The following PRH1 variants were observed in gnomAD, a reference collection of about 807,000 sequenced individuals.
PRH1 encodes proline rich protein HaeIII subfamily 1.
Under a neutral mutation model 7.9 loss-of-function variants are expected in PRH1, and 7 were observed. The ratio of observed to expected loss-of-function variants is 0.89; its 90% CI spans 0.50 to 1.67. PRH1 has a LOEUF of 1.67. Ranked by LOEUF, PRH1 falls within the 40% of genes most tolerant of loss-of-function variation. PRH1 has a pLI of 0.00. For synonymous variants in PRH1, 45 were observed against 80.8 expected (o/e 0.56, Z 2.38); for missense variants, 109 against 223.6 (o/e 0.49, Z 3.27).
chr12:11,119,254 G>A (rs1945821636), downstream of PRH1, among the ~76,000 whole-genome samples: 1 of 151,948 alleles, frequency 6.6e-6, no homozygotes, highest in Non-Finnish European at 1.5e-5. Flanking sequence ...TACATAGATG[G>A]TTAACAAAGG....
rs375358375 is a variant in PRH1, at chr12:11,015,040, C to T, written c.-126+31980G>A. 1.1e-4 allele frequency among the ~76,000 whole-genome samples: 17 copies of T among 152,142 alleles called. No individual in the cohort carries two copies. The East Asian group carries it at 1.7e-3, about 16-fold the overall frequency. ...GCTAGTCAGCAGCTCAGGAATAGGG[C>T]GAGTAGGCTGAGGCATACGTGTTAA... On this transcript the variant is annotated intron_variant, in intron 1 of 3. Transcript: ENST00000539853.
downstream of PRH1, among the ~76,000 whole-genome samples, chr12:11,116,598 A>G (rs973392080): frequency 6.6e-6 from 1 of 152,070 alleles, no homozygotes; most frequent in Non-Finnish European, 1.5e-5. Flanking sequence ...CCCTGATACC[A>G]AAACCAGACA....
intron 2 of PRH1, among the ~76,000 whole-genome samples, chr12:10,934,331 A>G (rs940152658): frequency 3.9e-5 from 6 of 152,156 alleles, no homozygotes; most frequent in African/African-American, 1.4e-4. Flanking sequence ...TCTCACCATT[A>G]TTACCGAAAT....
At chr12:11,134,856 T>C (rs1379766357) in intron 1 of PRH1, among the ~76,000 whole-genome samples, 4 of 152,166 alleles carry the variant, frequency 2.6e-5, no homozygotes, top group African/African-American at 7.2e-5. Flanking sequence ...TAAGATCTGG[T>C]TGCTGCTAAT....
upstream of PRH1, among the ~76,000 whole-genome samples, chr12:11,049,712 G>C (rs1253122356): frequency 6.6e-6 from 1 of 152,142 alleles, no homozygotes; most frequent in Non-Finnish European, 1.5e-5. Flanking sequence ...TACAGTACAG[G>C]TTTAAATTGT....
chr12:11,127,105 C>T lies in PRH1; in HGVS notation n.40-5925G>A, dbSNP rs893413019. Among the ~76,000 whole-genome samples, 10 of 152,300 alleles carry T rather than the reference C, an allele frequency of 6.6e-5. No individual in the cohort carries two copies. The East Asian group carries it at 7.7e-4, about 12-fold the overall frequency. ...TGGCTAATGTCAAACAGGAAAGCAC[C>T]GGGGAATGCTATTGAATGAGTTCAA... On this transcript the variant is annotated intron_variant and non_coding_transcript_variant, in intron 1 of 1. Coordinates refer to the PRH1 transcript ENST00000541175.
chr12:11,027,736 C>A (rs1941989776), intron 1 of PRH1, among the ~76,000 whole-genome samples: 1 of 152,204 alleles, frequency 6.6e-6, no homozygotes, highest in Non-Finnish European at 1.5e-5. Flanking sequence ...GATGCTAGAA[C>A]ATACATAGTG....
At chr12:10,957,284 C>T (rs1454131996) in intron 2 of PRH1, among the ~76,000 whole-genome samples, 2 of 151,976 alleles carry the variant, frequency 1.3e-5, no homozygotes, top group African/African-American at 4.8e-5. Context: ...ATCTAATCTT[C>T]AACAAAGTTA....
chr12:11,076,418 T>TGGG (rs1555158459), intron 1 of PRH1, among the ~76,000 whole-genome samples: 6 of 132,558 alleles, frequency 4.5e-5, no homozygotes, highest in Admixed American at 1.5e-4. Flanking sequence ...CTATACTCTC[T>TGGG]TTGGGACTTT....
chr12:10,953,917 A>G (rs1308690564), intron 2 of PRH1, among the ~76,000 whole-genome samples: 1 of 152,246 alleles, frequency 6.6e-6, no homozygotes, highest in Admixed American at 6.5e-5. Context: ...TGGACCTGTT[A>G]GCAGAAACTC....
rs142963148 is a variant in PRH1, at chr12:11,092,236, A to G, written n.124-45048T>C. 3.1e-6 allele frequency: 4 copies of G among 1,271,628 alleles called. 1 individual carries two copies. Among genetic ancestry groups the G allele is most frequent in the Middle Eastern group, 1.8e-4 (1 of 5,618 alleles). The allele number at this position is 1,271,628 out of a possible 1,614,324, so 78.8% of individuals were successfully genotyped here. A position where few individuals can be genotyped will look rare whatever the true frequency, so the allele number is the denominator to read the frequency against. ...TGGGTAGAAAAGTTATCATGTCTGA[A>G]CAGACAAAAAAAATTTTTTTAAATG... On this transcript the variant is annotated intron_variant and non_coding_transcript_variant, in intron 1 of 4. Coordinates refer to the PRH1 transcript ENST00000541977.
rs2599397 is a variant in PRH1, at chr12:11,131,364, G to A, written n.40-10184C>T. 5.1e-3 allele frequency among the ~76,000 whole-genome samples: 772 copies of A among 151,204 alleles called. 3 individuals are homozygous for A. Among genetic ancestry groups the A allele is most frequent in the Non-Finnish European group, 7.8e-3 (525 of 67,710 alleles). On this transcript the variant is annotated intron_variant and non_coding_transcript_variant, in intron 1 of 1. Transcript: ENST00000541175. ...ACATCACCACACATTGTTTCACATC[G>A]GTTCTTGTCTCAATTTCCACATGTC...
At chr12:11,027,212 C>G (rs376881863) in intron 1 of PRH1, among the ~76,000 whole-genome samples, 1,578 of 120,870 alleles carry the variant, frequency 0.013, no homozygotes, top group East Asian at 0.024. Context: ...CTGTAATGAG[C>G]TGTGATCCTG....
chr12:10,882,686 G>T lies in PRH1; in HGVS notation c.113C>A (p.Ser38Tyr), dbSNP rs369527636. ...VPLVISDGGD[S>Y]EQFLDEERQG... ...ACGCTCCTCATCTAGGAACTGCTCA[G>T]AGTCTCCTCCATCTGTGTGAGTTGA... is the stretch of plus-strand genomic sequence containing the variant. Residue 38 changes from serine to tyrosine, a missense_variant, in exon 3 of 4, where the codon TCT (serine) becomes TAT (tyrosine). Physicochemically the swap from Ser to Tyr is moderately radical, Grantham distance 144. Coordinates refer to ENST00000543626, the MANE Select transcript of PRH1 (RefSeq NM_001393989.1). The T allele has an allele frequency of 7.0e-6, 11 of 1,572,250 alleles. No homozygotes were observed. The African/African-American group carries it at 1.3e-4, about 19-fold the overall frequency.
At chr12:11,094,018 C>T (rs1945011833) in intron 1 of PRH1, among the ~76,000 whole-genome samples, 1 of 114,428 alleles carries the variant, frequency 8.7e-6, no homozygotes, top group South Asian at 2.4e-4. Context: ...CGACAGCCAT[C>T]CACCAAACCT....
intron 2 of PRH1, among the ~76,000 whole-genome samples, chr12:10,970,805 G>A (rs1025640481): frequency 7.1e-6 from 1 of 141,702 alleles, no homozygotes; most frequent in Non-Finnish European, 1.6e-5. Context: ...GACCTCAGGT[G>A]ATCCACCCGC....
intron 1 of PRH1, chr12:11,091,527 G>A (rs3759244): frequency 0.23 from 240,667 of 1,058,552 alleles, 106,912 homozygotes; most frequent in Non-Finnish European, 0.25. Context: ...CATAACAAGA[G>A]GAAGGAGATC....
chr12:10,970,494 T>A (rs1938754144), intron 2 of PRH1, among the ~76,000 whole-genome samples: 1 of 152,008 alleles, frequency 6.6e-6, no homozygotes, highest in African/African-American at 2.4e-5. Flanking sequence ...AAATTAAGAT[T>A]AGCATTAAGA....
intron 1 of PRH1, among the ~76,000 whole-genome samples, chr12:11,025,732 C>G (rs1252166250): frequency 6.6e-6 from 1 of 152,288 alleles, no homozygotes; most frequent in Non-Finnish European, 1.5e-5. Context: ...CTCTTCCCTT[C>G]TATGCTTCAT....
Sources: allele counts gnomAD v4.1 joint callset (sites outside exome capture counted in the v4.1 genomes callset), GRCh38; gene constraint gnomAD v4.1.1; transcripts MANE v1.5; gene names NCBI Gene and HGNC (gene_info 2026-07-23, HGNC 2026-07-21).